The following ANK2 variants were observed in gnomAD, a reference collection of about 807,000 sequenced individuals.
ANK2 encodes the protein ankyrin 2, also known as ankyrin-2.
Under a neutral mutation model 360.5 loss-of-function variants are expected in ANK2, and 83 were observed. The observed-to-expected ratio is 0.23, with a 90% CI of 0.19 to 0.28. The LOEUF (loss-of-function observed/expected upper bound fraction) is 0.28. Among genes scored for constraint, ANK2 ranks in the 10% least tolerant of loss-of-function variants. The probability of loss-of-function intolerance (pLI) is 1.00; values close to 1 mark genes in which losing one functional copy is unlikely to be tolerated. For missense variants in ANK2, 4,201 were observed against 4,795.7 expected (o/e 0.88, Z 3.66); for synonymous variants, 1,740 against 1,759.5 (o/e 0.99, Z 0.28).
chr4:113,298,174 A>C (rs925095330), intron 22 of ANK2, among the ~76,000 whole-genome samples: 3 of 152,170 alleles, frequency 2.0e-5, no homozygotes, highest in Admixed American at 2.0e-4. Flanking sequence ...TATTACTTTC[A>C]GTGACTCACC....
chr4:113,262,314 C>T (rs1248823106), intron 13 of ANK2, among the ~76,000 whole-genome samples: 1 of 152,132 alleles, frequency 6.6e-6, no homozygotes, highest in Non-Finnish European at 1.5e-5. Context: ...GCAGCCTCAA[C>T]CTCCTAGGCA....
chr4:113,256,035 G>A (rs2049122156), intron 11 of ANK2, 103 bp downstream of exon 11: 2 of 1,365,860 alleles, frequency 1.5e-6, no homozygotes, highest in Admixed American at 1.8e-5. Flanking sequence ...TTACAGATAT[G>A]TAGTTAATCC....
chr4:113,368,635 G>T (rs150746029), intron 42 of ANK2, among the ~76,000 whole-genome samples: 1 of 152,304 alleles, frequency 6.6e-6, no homozygotes, highest in African/African-American at 2.4e-5. Flanking sequence ...TAAACCTGAA[G>T]TCTGAGAATA....
At chr4:112,732,478 C>T in the ANK2 span, among the ~76,000 whole-genome samples, 1 of 152,092 alleles carries the variant, frequency 6.6e-6, no homozygotes, top group Non-Finnish European at 1.5e-5. Flanking sequence ...AACTTCTGGC[C>T]TCAAGCAGTC....
chr4:112,788,838 G>A, the ANK2 span: 19 of 910,320 alleles, frequency 2.1e-5, no homozygotes, highest in African/African-American at 3.3e-5. Context: ...AGCAGGGGCC[G>A]GAGCCACCTT....
the ANK2 span, among the ~76,000 whole-genome samples, chr4:112,794,827 G>A: frequency 1.5e-4 from 23 of 152,092 alleles, no homozygotes; most frequent in Non-Finnish European, 3.2e-4. Flanking sequence ...TTGATTTTAG[G>A]GTAACACCGC....
At chr4:112,960,701 C>T (rs1189245271) in intron 2 of ANK2, among the ~76,000 whole-genome samples, 1 of 151,976 alleles carries the variant, frequency 6.6e-6, no homozygotes, top group Non-Finnish European at 1.5e-5. Flanking sequence ...AGTGATAATC[C>T]TTAACATTAA....
chr4:112,928,445 G>C (rs2092820776), intron 2 of ANK2, among the ~76,000 whole-genome samples: 1 of 151,992 alleles, frequency 6.6e-6, no homozygotes, highest in African/African-American at 2.4e-5. Context: ...AAAGATCTAA[G>C]ATAGAATTTT....
At chr4:113,032,996 G>A (rs1171494820) in intron 2 of ANK2, among the ~76,000 whole-genome samples, 1 of 152,060 alleles carries the variant, frequency 6.6e-6, no homozygotes, top group Admixed American at 6.6e-5. Context: ...ATCAGGAAAA[G>A]CATGTGCGTC....
intron 26 of ANK2, among the ~76,000 whole-genome samples, chr4:113,320,795 G>C (rs867799022): frequency 6.6e-6 from 1 of 152,168 alleles, no homozygotes; most frequent in Non-Finnish European, 1.5e-5. Context: ...GAAAAACTTT[G>C]CTTAATAAGG....
chr4:112,837,278 G>T (rs1384429823), intron 1 of ANK2, among the ~76,000 whole-genome samples: 2 of 152,244 alleles, frequency 1.3e-5, no homozygotes, highest in African/African-American at 4.8e-5. Context: ...GGGCCTGTGG[G>T]TACACAGAGG....
intron 26 of ANK2, chr4:113,323,729 C>G: frequency 6.3e-7 from 1 of 1,596,076 alleles, no homozygotes; most frequent in Non-Finnish European, 8.6e-7. Context: ...TCCGTTCCTT[C>G]TCTGTGCTAA....
At chr4:113,176,792 A>G (rs1395006399) in intron 2 of ANK2, among the ~76,000 whole-genome samples, 3 of 151,942 alleles carry the variant, frequency 2.0e-5, no homozygotes, top group Non-Finnish European at 4.4e-5. Context: ...CCCCCACCCC[A>G]CAACAGGCCC....
intron 2 of ANK2, among the ~76,000 whole-genome samples, chr4:112,985,953 A>T (rs1040875708): frequency 5.3e-5 from 8 of 151,090 alleles, no homozygotes; most frequent in Non-Finnish European, 1.2e-4. Context: ...CATGTAACCA[A>T]ACACCACTTG....
chr4:113,127,842 T>A (rs2095759340), intron 1 of ANK2, among the ~76,000 whole-genome samples: 1 of 151,704 alleles, frequency 6.6e-6, no homozygotes, highest in Non-Finnish European at 1.5e-5. Context: ...CCAAGAGAGA[T>A]GAACAGGGCT....
At chr4:113,116,014 C>T (rs1159734730) in intron 1 of ANK2, among the ~76,000 whole-genome samples, 1 of 152,068 alleles carries the variant, frequency 6.6e-6, no homozygotes, top group African/African-American at 2.4e-5. Flanking sequence ...AAGTGAGTGC[C>T]ATCCTTGGCA....
At chr4:112,900,921 A>G (rs578052349) in intron 1 of ANK2, among the ~76,000 whole-genome samples, 2 of 152,318 alleles carry the variant, frequency 1.3e-5, no homozygotes, top group South Asian at 4.1e-4. Flanking sequence ...ATTGAGCAAT[A>G]TGGTGTTGGA....
chr4:112,764,895 G>A, the ANK2 span, among the ~76,000 whole-genome samples: 1 of 151,476 alleles, frequency 6.6e-6, no homozygotes, highest in African/African-American at 2.4e-5. Context: ...TAGTAGAGAC[G>A]GAGTTTCTCC....
At chr4:112,774,788 G>T in the ANK2 span, among the ~76,000 whole-genome samples, 1 of 152,304 alleles carries the variant, frequency 6.6e-6, no homozygotes, top group South Asian at 2.1e-4. Context: ...ATTTAAGCAG[G>T]AGGCAGGGGC....
Sources: allele counts gnomAD v4.1 joint callset (sites outside exome capture counted in the v4.1 genomes callset), GRCh38; gene constraint gnomAD v4.1.1; transcripts MANE v1.5; gene names NCBI Gene and HGNC (gene_info 2026-07-23, HGNC 2026-07-21).